Variants in GUCY1A2 observed in about 807,000 individuals in gnomAD.
The protein encoded by GUCY1A2 is guanylate cyclase soluble subunit alpha-2.
Under a neutral mutation model 63.5 loss-of-function variants are expected in GUCY1A2, and 27 were observed. That is an observed-to-expected ratio of 0.43 (90% CI 0.31 to 0.59). The LOEUF is 0.59. GUCY1A2 is among the 20% of genes least tolerant of loss of function. GUCY1A2 has a pLI of 0.11. For missense variants in GUCY1A2, 768 were observed against 913.3 expected (o/e 0.84, Z 2.05); for synonymous variants, 364 against 343.5 (o/e 1.06, Z -0.66).
chr11:106,793,703 A>G (rs1864703505), intron 5 of GUCY1A2, among the ~76,000 whole-genome samples: 1 of 152,086 alleles, frequency 6.6e-6, no homozygotes, highest in Admixed American at 6.6e-5. Flanking sequence ...GACCTGAATA[A>G]ACAGTTTTCA....
chr11:106,865,386 A>G (rs1369251781), intron 4 of GUCY1A2, among the ~76,000 whole-genome samples: 1 of 151,938 alleles, frequency 6.6e-6, no homozygotes, highest in Non-Finnish European at 1.5e-5. Context: ...TATCTCCTTC[A>G]GTTCTGCTCT....
chr11:106,741,947 G>A (rs1159695645), intron 6 of GUCY1A2, among the ~76,000 whole-genome samples: 1 of 152,150 alleles, frequency 6.6e-6, no homozygotes, highest in East Asian at 1.9e-4. Context: ...AAAACTGAAT[G>A]AAGTTATGAC....
chr11:106,722,835 T>C (rs1427886548), intron 6 of GUCY1A2, among the ~76,000 whole-genome samples: 3 of 151,978 alleles, frequency 2.0e-5, no homozygotes, highest in African/African-American at 4.8e-5. Flanking sequence ...ACAATGTCAA[T>C]TTTAAGGAAT....
intron 4 of GUCY1A2, among the ~76,000 whole-genome samples, chr11:106,931,962 C>A (rs1376354012): frequency 6.6e-6 from 1 of 151,856 alleles, no homozygotes; most frequent in Non-Finnish European, 1.5e-5. Context: ...CAAAAAAGTA[C>A]ACAAGAACAA....
chr11:106,964,783 T>C (rs1033473717), intron 3 of GUCY1A2, among the ~76,000 whole-genome samples: 2 of 152,016 alleles, frequency 1.3e-5, no homozygotes, highest in African/African-American at 4.8e-5. Context: ...ATCGAGACCA[T>C]CCTGGCTAAC....
chr11:106,799,414 A>G (rs1377899646), intron 5 of GUCY1A2, among the ~76,000 whole-genome samples: 1 of 152,182 alleles, frequency 6.6e-6, no homozygotes, highest in Non-Finnish European at 1.5e-5. Context: ...TTCATATGGA[A>G]CCAAAAGAGA....
chr11:106,761,104 T>C (rs575127518), intron 6 of GUCY1A2, among the ~76,000 whole-genome samples: 126 of 152,254 alleles, frequency 8.3e-4, no homozygotes, highest in Non-Finnish European at 4.7e-4. Context: ...AACTACAATA[T>C]TATTTCTCCT....
At chr11:106,929,974 T>C (rs1000806073) in intron 4 of GUCY1A2, among the ~76,000 whole-genome samples, 23 of 152,184 alleles carry the variant, frequency 1.5e-4, no homozygotes, top group African/African-American at 5.1e-4. Context: ...TAAATACTAA[T>C]GGATAGACAG....
rs1860040788 is a variant in GUCY1A2, at chr11:106,895,895, C to T, written c.1206+43565G>A. Among the ~76,000 whole-genome samples the T allele has an allele frequency of 2.0e-5, 3 of 151,774 alleles. No homozygotes were observed. In the South Asian group the frequency reaches 6.2e-4, roughly 32 times the overall value. ...TCAAGCCGGGTATGGTGGCTTGGGC[C>T]TATAATCCCAGCTACTCAGGAGGCA... On this transcript the variant is annotated intron_variant, in intron 4 of 7. Transcript: ENST00000526355.
Position 106,761,850 on chromosome 11 carries a change from C to T in GUCY1A2, c.1836+14589G>A, listed in dbSNP as rs75920463. Among the ~76,000 whole-genome samples the T allele has an allele frequency of 6.1e-3, 928 of 152,178 alleles. 6 individuals are homozygous for T. Among genetic ancestry groups the T allele is most frequent in the African/African-American group, 0.021 (874 of 41,528 alleles). ...ACAAAGTAAGAGTTTTCACAAACTA[C>T]AGTTAAAATGAAGAGAAAAATAACA... is the stretch of plus-strand genomic sequence containing the variant. On this transcript the variant is annotated intron_variant, in intron 6 of 7. Transcript: ENST00000526355.
intron 3 of GUCY1A2, among the ~76,000 whole-genome samples, chr11:106,967,810 A>T (rs1861145603): frequency 6.6e-6 from 1 of 152,140 alleles, no homozygotes; most frequent in African/African-American, 2.4e-5. Flanking sequence ...AATACAGAAC[A>T]TCTAGCAAAA....
intron 4 of GUCY1A2, among the ~76,000 whole-genome samples, chr11:106,852,179 A>T (rs1859365218): frequency 6.6e-6 from 1 of 151,864 alleles, no homozygotes. Flanking sequence ...AATTTTACTG[A>T]ACTTGTGTAT....
chr11:106,917,970 C>T (rs886850385), intron 4 of GUCY1A2, among the ~76,000 whole-genome samples: 1 of 143,144 alleles, frequency 7.0e-6, no homozygotes, highest in African/African-American at 2.5e-5. Flanking sequence ...TAGCAAAGCC[C>T]AACAAGGAGA....
intron 3 of GUCY1A2, among the ~76,000 whole-genome samples, chr11:106,967,590 T>C (rs779986984): frequency 2.0e-5 from 3 of 151,996 alleles, no homozygotes; most frequent in Non-Finnish European, 4.4e-5. Flanking sequence ...AAAAATATGA[T>C]ATTCTAATTG....
intron 4 of GUCY1A2, among the ~76,000 whole-genome samples, chr11:106,913,560 T>C (rs752681944): frequency 2.0e-5 from 3 of 151,934 alleles, no homozygotes; most frequent in Non-Finnish European, 2.9e-5. Context: ...CTAAGCCCCA[T>C]CTCCCAGCAC....
intron 6 of GUCY1A2, among the ~76,000 whole-genome samples, chr11:106,725,949 A>G (rs922972901): frequency 1.3e-5 from 2 of 152,030 alleles, no homozygotes; most frequent in African/African-American, 4.8e-5. Context: ...GGAAAAGTAG[A>G]TCTTACCCAT....
chr11:106,931,667 A>G (rs1860604492), intron 4 of GUCY1A2, among the ~76,000 whole-genome samples: 1 of 152,232 alleles, frequency 6.6e-6, no homozygotes, highest in South Asian at 2.1e-4. Flanking sequence ...AAAATTAACA[A>G]TCTGCTGATG....
chr11:106,786,851 A>G (rs186691218), intron 5 of GUCY1A2, among the ~76,000 whole-genome samples: 1 of 152,166 alleles, frequency 6.6e-6, no homozygotes, highest in Non-Finnish European at 1.5e-5. Context: ...ACTCAATGTT[A>G]TTATTCTACC....
chr11:106,700,446 T>G (rs533600589), intron 7 of GUCY1A2, among the ~76,000 whole-genome samples: 2 of 152,272 alleles, frequency 1.3e-5, no homozygotes, highest in South Asian at 4.1e-4. Context: ...AAGAAAGAGA[T>G]AGTAAAAAGA....
Sources: gnomAD v4.1 joint callset for allele counts (sites outside exome capture counted in the v4.1 genomes callset) on GRCh38, gnomAD v4.1.1 for gene constraint, MANE v1.5 for transcripts, NCBI Gene and HGNC (gene_info 2026-07-23, HGNC 2026-07-21) for gene names.